HEATR3: variants seen among roughly 807,000 people sequenced by gnomAD.
HEATR3 encodes the protein HEAT repeat-containing protein 3.
Under a neutral mutation model 72.8 loss-of-function variants are expected in HEATR3, and 56 were observed. That is an observed-to-expected ratio of 0.77 (90% CI 0.62 to 0.96). HEATR3 has a LOEUF of 0.96. Ranked by LOEUF, HEATR3 falls within the 40% of genes least tolerant of loss-of-function variation. The pLI is 0.00. For synonymous variants in HEATR3, 331 were observed against 318.1 expected (o/e 1.04, Z -0.43); for missense variants, 747 against 831.4 (o/e 0.90, Z 1.25).
chr16:50,071,439 T>C (rs995984968), intron 4 of HEATR3, among the ~76,000 whole-genome samples: 2 of 152,248 alleles, frequency 1.3e-5, no homozygotes, highest in African/African-American at 4.8e-5. Flanking sequence ...TGTTTTTCTG[T>C]GCACCAGATA....
chr16:50,077,760 A>G (rs1411779664), intron 6 of HEATR3, among the ~76,000 whole-genome samples: 3 of 152,014 alleles, frequency 2.0e-5, no homozygotes, highest in African/African-American at 7.3e-5. Context: ...AATGCTGAAT[A>G]ATATTGCCTT....
chr16:50,086,182 G>A (rs2036982004), intron 10 of HEATR3, 33 bp from the exon 11 acceptor site: 1 of 1,552,342 alleles, frequency 6.4e-7, no homozygotes, highest in Non-Finnish European at 8.7e-7. Flanking sequence ...AACTTCTGGA[G>A]AATCAGATGG....
At chr16:50,072,581 C>CT (rs768081241) in intron 4 of HEATR3, 24 bp from the exon 5 acceptor site, 19 of 1,471,274 alleles carry the variant, frequency 1.3e-5, no homozygotes, top group Non-Finnish European at 1.6e-5. Flanking sequence ...AATAGTAAAA[C>CT]TTTTTTTTCC....
At chr16:50,099,477 C>T (rs2037319091) in intron 12 of HEATR3, among the ~76,000 whole-genome samples, 1 of 152,114 alleles carries the variant, frequency 6.6e-6, no homozygotes, top group Admixed American at 6.6e-5. Context: ...TGTAGGGGCT[C>T]ACACGAGTGA....
At chr16:50,100,171 A>G (rs1056366206) in intron 12 of HEATR3, 59 bp from the exon 13 acceptor site, 2 of 1,536,092 alleles carry the variant, frequency 1.3e-6, no homozygotes, top group Non-Finnish European at 1.8e-6. Context: ...CGGTTTTCAC[A>G]TGCTGATAGA....
chr16:50,072,798 C>T (rs1192460051), intron 5 of HEATR3, 84 bp downstream of exon 5: 2 of 820,786 alleles, frequency 2.4e-6, no homozygotes, highest in African/African-American at 3.4e-5. Flanking sequence ...GTTTATTCCA[C>T]TGGAGTGATT....
At chr16:50,092,529 C>T (rs550943998) in intron 11 of HEATR3, among the ~76,000 whole-genome samples, 4 of 150,662 alleles carry the variant, frequency 2.7e-5, no homozygotes, top group South Asian at 2.1e-4. Flanking sequence ...CTCCGCCTCC[C>T]GGGTTCATGC....
At chr16:50,078,623 A>G in intron 6 of HEATR3, 118 bp from the exon 7 acceptor site, 1 of 920,278 alleles carries the variant, frequency 1.1e-6, no homozygotes, top group Non-Finnish European at 1.6e-6. Context: ...GAACAAAGGC[A>G]GTAGGGCTGA....
intron 6 of HEATR3, 32 bp downstream of exon 6, chr16:50,075,743 T>C (rs556809931): frequency 1.3e-6 from 2 of 1,585,852 alleles, no homozygotes; most frequent in South Asian, 2.2e-5. Flanking sequence ...TAGTATATTG[T>C]TTCAGTAGCT....
chr16:50,082,214 A>C (rs2036882561), intron 7 of HEATR3, among the ~76,000 whole-genome samples: 1 of 152,080 alleles, frequency 6.6e-6, no homozygotes, highest in Admixed American at 6.6e-5. Context: ...ATGGTGGTGC[A>C]TGCCTGTAGT....
intron 12 of HEATR3, 130 bp downstream of exon 12, chr16:50,094,923 TAAAAC>T (rs2037199415): frequency 3.8e-6 from 2 of 520,216 alleles, no homozygotes; most frequent in African/African-American, 2.0e-5. Flanking sequence ...TTGTAAAAAA[TAAAAC>T]AAAAGTGATT....
At chr16:50,101,466 A>T (rs1450288019) in intron 13 of HEATR3, among the ~76,000 whole-genome samples, 1 of 152,148 alleles carries the variant, frequency 6.6e-6, no homozygotes, top group African/African-American at 2.4e-5. Context: ...ATAATTTTAC[A>T]GTTGCCTCAA....
In HEATR3 at chr16:50,078,871, T is replaced by C; in HGVS notation, c.894T>C (p.Ala298=). 1 of 1,614,118 alleles carries C rather than the reference T, an allele frequency of 6.2e-7. No individual in the cohort carries two copies. The highest frequency in any genetic ancestry group is 1.1e-5 in the South Asian group (1 of 91,078). The change falls in exon 7 of 15, where the codon GCT becomes GCC. Residue 298 remains alanine (A), a synonymous_variant. Coordinates refer to ENST00000299192, the MANE Select transcript of HEATR3 (RefSeq NM_182922.4). The part of the protein sequence containing the change: ...AGEMVIQMKE[A]ETQRLKTAAE... ...AAATGGTTATTCAAATGAAAGAGGCTGAAACGCAAAGGTTAAAAACTGCTG... is the reference window on the plus strand; with the variant it reads ...AAATGGTTATTCAAATGAAAGAGGCCGAAACGCAAAGGTTAAAAACTGCTG...
chr16:50,074,808 C>T (rs1318873158), intron 5 of HEATR3: 1 of 151,584 alleles, frequency 6.6e-6, no homozygotes, highest in African/African-American at 2.4e-5. Flanking sequence ...AGGTGAAGCC[C>T]CATCTCTACT....
intron 5 of HEATR3, chr16:50,073,696 AAGTT>A (rs1234264409): frequency 1.3e-5 from 2 of 152,184 alleles, no homozygotes; most frequent in African/African-American, 4.8e-5. Flanking sequence ...AACTTCAGGA[AAGTT>A]AGTTCATATC....
chr16:50,074,109 C>T (rs1174100437), intron 5 of HEATR3: 1 of 152,140 alleles, frequency 6.6e-6, no homozygotes, highest in Admixed American at 6.6e-5. Context: ...TATCATCAAC[C>T]ACAGCAGTAG....
intron 7 of HEATR3, 148 bp downstream of exon 7, chr16:50,079,166 T>C: frequency 1.3e-6 from 1 of 744,438 alleles, no homozygotes; most frequent in East Asian, 2.7e-5. Context: ...CTGTTGATTC[T>C]CTTTATGTCA....
At chr16:50,077,497 T>C (rs978188595) in intron 6 of HEATR3, among the ~76,000 whole-genome samples, 1 of 152,212 alleles carries the variant, frequency 6.6e-6, no homozygotes, top group Non-Finnish European at 1.5e-5. Flanking sequence ...GTAAAGTACA[T>C]TCAGATTGTT....
At chr16:50,073,345 G>A (rs1422185335) in intron 5 of HEATR3, 1 of 152,282 alleles carries the variant, frequency 6.6e-6, no homozygotes, top group African/African-American at 2.4e-5. Context: ...ATTCTGGGTG[G>A]GAGTGGAGAA....
Sources: allele counts gnomAD v4.1 joint callset (sites outside exome capture counted in the v4.1 genomes callset), GRCh38; gene constraint gnomAD v4.1.1; transcripts MANE v1.5; gene names NCBI Gene and HGNC (gene_info 2026-07-23, HGNC 2026-07-21).